The following MMS19 variants were observed in gnomAD, a reference collection of about 807,000 sequenced individuals.
The protein encoded by MMS19 is MMS19 cytosolic iron-sulfur assembly component, also known as MMS19 nucleotide excision repair protein homolog.
Under a neutral mutation model 129.8 loss-of-function variants are expected in MMS19, and 77 were observed. The observed-to-expected ratio is 0.59, with a 90% CI of 0.49 to 0.72. The LOEUF is 0.72. Ranked by LOEUF, MMS19 falls within the 30% of genes least tolerant of loss-of-function variation. The pLI is 0.00. For synonymous variants in MMS19, 491 were observed against 502.8 expected (o/e 0.98, Z 0.31); for missense variants, 1,168 against 1,266.3 (o/e 0.92, Z 1.18).
In MMS19 at chr10:97,469,676, G is replaced by T; in HGVS notation, c.894C>A (p.Leu298=). ...VYGQKELKDF[L]PSLWASIRRE... ...TGCGGATAGAAGCCCAAAGGCTGGGGAGGAAGTCCTTCAGTTCCTTCTGTC... is the reference window on the plus strand; with the variant it reads ...TGCGGATAGAAGCCCAAAGGCTGGGTAGGAAGTCCTTCAGTTCCTTCTGTC... The change falls in exon 11 of 31, where the codon CTC becomes CTA. Residue 298 remains leucine, a synonymous_variant. Transcript: ENST00000438925. 6.2e-7 allele frequency: 1 copy of T among 1,613,980 alleles called. No individual in the cohort carries two copies. Among genetic ancestry groups the T allele is most frequent in the Non-Finnish European group, 8.5e-7 (1 of 1,179,866 alleles).
chr10:97,483,807 C>G (rs1424449993), intron 2 of MMS19, among the ~76,000 whole-genome samples: 1 of 152,254 alleles, frequency 6.6e-6, no homozygotes, highest in Non-Finnish European at 1.5e-5. Flanking sequence ...GAATCAACAA[C>G]AGCTGATGGC....
At chr10:97,466,400 G>A in intron 16 of MMS19, 104 bp downstream of exon 16, 2 of 966,262 alleles carry the variant, frequency 2.1e-6, no homozygotes, top group Non-Finnish European at 1.7e-6. Flanking sequence ...CCCCTAAGGA[G>A]AGCCAAGGGT....
At chr10:97,462,515 CCTGTTGCTT>C in intron 20 of MMS19, 59 bp downstream of exon 20, 1 of 1,114,498 alleles carries the variant, frequency 9.0e-7, no homozygotes, top group Non-Finnish European at 1.4e-6. Flanking sequence ...AAGGCAGCTA[CCTGTTGCTT>C]CTTCCTAAGA....
Position 97,469,046 on chromosome 10 carries a change from A to C in MMS19, c.983T>G (p.Leu328Arg). Residue 328 changes from leucine to arginine, a missense_variant, in exon 12 of 31, where the codon CTG becomes CGG. Leu to Arg is a moderately radical substitution (Grantham distance 102). Coordinates refer to ENST00000438925, the MANE Select transcript of MMS19 (RefSeq NM_022362.5). ...CACAGAGCGAGACAAACACGCAGTC[A>C]GGGAGTGGAGGGCCGCCAGGCCCTC... is the stretch of plus-strand genomic sequence containing the variant. ...EAEGLAALHSLTACLSRSVLR... is the reference protein window; with the variant it reads ...EAEGLAALHSRTACLSRSVLR... 6.3e-7 allele frequency: 1 copy of C among 1,583,692 alleles called. No individual in the cohort carries two copies. Among genetic ancestry groups the C allele is most frequent in the South Asian group, 1.2e-5 (1 of 86,858 alleles).
intron 3 of MMS19, chr10:97,480,129 G>T (rs1323954973): frequency 2.7e-6 from 1 of 366,034 alleles, no homozygotes; most frequent in Admixed American, 3.7e-5. Context: ...AAAAGGCTCG[G>T]GTAGGAGGGC....
chr10:97,458,704 G>C lies in MMS19; in HGVS notation c.3081C>G (p.Ser1027Arg), dbSNP rs775918512. The change falls in exon 31 of 31, where the codon AGC becomes AGG. Residue 1027 changes from serine to arginine, a missense_variant. By Grantham distance (110) the Ser-to-Arg change is moderately radical (BLOSUM62 -1). Transcript: ENST00000438925. ...SARGEWFLLG[S>R]PGS ...CAGGACTGAGGGCTCAGCTGCCAGGGCTCCCCAACAGAAACCTGTAGGCAA... is the reference window on the plus strand; with the variant it reads ...CAGGACTGAGGGCTCAGCTGCCAGGCCTCCCCAACAGAAACCTGTAGGCAA... 1.1e-5 allele frequency: 18 copies of C among 1,609,600 alleles called. No homozygotes were observed. Among genetic ancestry groups the C allele is most frequent in the Non-Finnish European group, 1.4e-5 (17 of 1,177,802 alleles).
At chr10:97,462,724 C>G in intron 19 of MMS19, 42 bp from the exon 20 acceptor site, 3 of 1,481,064 alleles carry the variant, frequency 2.0e-6, no homozygotes, top group Non-Finnish European at 2.8e-6. Context: ...AAGACCATGA[C>G]GGGTTCAAGA....
In MMS19 at chr10:97,468,394, T is replaced by C. The variant is rs1336913422; in HGVS notation, c.1076A>G (p.His359Arg). The change falls in exon 13 of 31, where the codon CAC becomes CGC. Residue 359 changes from histidine to arginine, a missense_variant. By Grantham distance (29) the His-to-Arg change is conservative (BLOSUM62 0). Around this residue, in one of 3 missense-constraint regions of MMS19, gnomAD observed 831 missense variants for 910.8 expected, o/e 0.91. Coordinates refer to ENST00000438925, the MANE Select transcript of MMS19 (RefSeq NM_022362.5). ...LSNILQDCRH[H>R]LCEPDMKLVW... ...CAGTTTCATGTCCGGTTCACACAGGTGGTGCCTGCAGTCTAGAGAAGCAGC... is the reference window on the plus strand; with the variant it reads ...CAGTTTCATGTCCGGTTCACACAGGCGGTGCCTGCAGTCTAGAGAAGCAGC... The C allele has an allele frequency of 5.0e-6, 8 of 1,608,204 alleles. No individual in the cohort carries two copies. Among genetic ancestry groups the C allele is most frequent in the Non-Finnish European group, 6.0e-6 (7 of 1,176,284 alleles).
chr10:97,477,357 G>T lies in MMS19; in HGVS notation c.483C>A (p.Thr161=). The T allele has an allele frequency of 6.2e-7, 1 of 1,613,946 alleles. No individual in the cohort carries two copies. Residue 161 remains threonine (T), a synonymous_variant, in exon 6 of 31, where the codon ACC becomes ACA. Coordinates refer to ENST00000438925, the MANE Select transcript of MMS19 (RefSeq NM_022362.5). ...AGCTCTGTCTCTTACCTTCTTCCCG[G>T]GTTCGCATAAAATTGGTGATGATAT... is the stretch of plus-strand genomic sequence containing the variant. ...VYNIITNFMR[T]REEELKSLGA...
chr10:97,482,896 A>T (rs1266057734), intron 2 of MMS19, among the ~76,000 whole-genome samples: 1 of 151,524 alleles, frequency 6.6e-6, no homozygotes, highest in African/African-American at 2.4e-5. Context: ...AAGTAGCTGG[A>T]ACTACAGGCG....
intron 8 of MMS19, among the ~76,000 whole-genome samples, chr10:97,475,699 TG>T (rs2035623437): frequency 6.6e-6 from 1 of 152,080 alleles, no homozygotes; most frequent in South Asian, 2.1e-4. Context: ...ATCGCACCAC[TG>T]CACTCCAGCC....
At chr10:97,472,657 T>TTCCATTCGACGCCCCTTTTCAGTA (rs2034970443) in intron 8 of MMS19, among the ~76,000 whole-genome samples, 1 of 152,090 alleles carries the variant, frequency 6.6e-6, no homozygotes, top group African/African-American at 2.4e-5. Flanking sequence ...TCTTCCAGGC[T>TTCCATTCGACGCCCCTTTTCAGTA]GGAGTGCAGA....
intron 20 of MMS19, 122 bp from the exon 21 acceptor site, chr10:97,462,241 GA>G: frequency 1.5e-6 from 1 of 684,478 alleles, no homozygotes; most frequent in South Asian, 1.8e-5. Context: ...GACATGCCCT[GA>G]TCATTCATGC....
intron 1 of MMS19, among the ~76,000 whole-genome samples, chr10:97,496,159 T>G (rs569715033): frequency 6.6e-6 from 1 of 152,336 alleles, no homozygotes; most frequent in Non-Finnish European, 1.5e-5. Context: ...TGAATTCAAA[T>G]TAAGCAACAG....
chr10:97,492,766 G>A (rs2039129871), intron 1 of MMS19, among the ~76,000 whole-genome samples: 1 of 148,070 alleles, frequency 6.8e-6, no homozygotes, highest in African/African-American at 2.5e-5. Context: ...GGCTGAGGCA[G>A]AAGAGTCATT....
At chr10:97,459,305 T>A in intron 28 of MMS19, 23 bp from the exon 29 acceptor site, 1 of 1,612,410 alleles carries the variant, frequency 6.2e-7, no homozygotes, top group Non-Finnish European at 8.5e-7. Context: ...CACAAGGAGG[T>A]GAGAGCATGC....
chr10:97,463,917 T>C lies in MMS19; in HGVS notation c.1853A>G (p.Tyr618Cys), dbSNP rs146630553. ...GCAAGGTATAGCTGTCTGGTGGAAA[T>C]ACCAGCAACTCTCAGGGTCCTGCTG... ...KCQQDPESCW[Y>C]FHQTAIPCLL... Residue 618 changes from tyrosine to cysteine, a missense_variant, in exon 19 of 31, where the codon TAT becomes TGT. Physicochemically the swap from Tyr to Cys is radical, Grantham distance 194. Around this residue, in one of 3 missense-constraint regions of MMS19, gnomAD observed 831 missense variants for 910.8 expected, o/e 0.91. Coordinates refer to ENST00000438925, the MANE Select transcript of MMS19 (RefSeq NM_022362.5). 3.5e-4 allele frequency: 561 copies of C among 1,612,626 alleles called. No homozygotes were observed. Among genetic ancestry groups the C allele is most frequent in the Non-Finnish European group, 4.6e-4 (543 of 1,179,362 alleles).
Position 97,466,137 on chromosome 10 carries a change from A to C in MMS19, c.1528T>G (p.Ser510Ala). ...QSCRVAALEA[S>A]GTLAALYPVA... is the part of the protein sequence containing the mutation. ...GGGTAGAGAGCAGCCAGGGTTCCTG[A>C]TGCTTCCAGTGCTGCCACCCTGCTG... The change falls in exon 17 of 31, where the codon TCA becomes GCA. Residue 510 changes from serine (S) to alanine (A), a missense_variant. Transcript: ENST00000438925. 1 of 1,578,786 alleles carries C rather than the reference A, an allele frequency of 6.3e-7. No homozygotes were observed. Among genetic ancestry groups the C allele is most frequent in the Non-Finnish European group, 8.6e-7 (1 of 1,162,330 alleles).
intron 25 of MMS19, 70 bp from the exon 26 acceptor site, chr10:97,460,302 C>A: frequency 1.4e-6 from 2 of 1,453,488 alleles, no homozygotes; most frequent in Non-Finnish European, 9.4e-7. Context: ...AAGGATGGGG[C>A]CGGGTGTGGT....
Sources: gnomAD v4.1 joint callset for allele counts (sites outside exome capture counted in the v4.1 genomes callset) on GRCh38, gnomAD v4.1.1 for gene constraint, gnomAD v4.1.1 regional missense constraint, MANE v1.5 for transcripts, NCBI Gene and HGNC (gene_info 2026-07-23, HGNC 2026-07-21) for gene names.